Variants in CSMD1 observed in about 807,000 individuals in gnomAD.
The protein encoded by CSMD1 is CUB and sushi domain-containing protein 1.
CSMD1 carries 213 observed loss-of-function variants against 417.5 expected under a neutral mutation model. That is an observed-to-expected ratio of 0.51 (90% CI 0.46 to 0.57). CSMD1 has a LOEUF of 0.57. CSMD1 is among the 20% of genes least tolerant of loss of function. CSMD1 has a pLI of 0.00. For synonymous variants in CSMD1, 2,862 were observed against 1,736.8 expected (o/e 1.65, Z -16.11); for missense variants, 6,923 against 4,529.7 (o/e 1.53, Z -15.17).
chr8:4,633,051 T>G (rs748390128), intron 2 of CSMD1, among the ~76,000 whole-genome samples: 1 of 152,050 alleles, frequency 6.6e-6, no homozygotes, highest in Admixed American at 6.6e-5. Flanking sequence ...TTGCCGGAGA[T>G]AGAAGCCAGG....
chr8:4,069,688 A>T (rs1183789612), intron 3 of CSMD1, among the ~76,000 whole-genome samples: 1 of 151,978 alleles, frequency 6.6e-6, no homozygotes, highest in Non-Finnish European at 1.5e-5. Flanking sequence ...TTGCATTCTC[A>T]TGTTATACTT....
intron 5 of CSMD1, among the ~76,000 whole-genome samples, chr8:3,801,408 A>T (rs1304798423): frequency 6.6e-6 from 1 of 152,178 alleles, no homozygotes; most frequent in Non-Finnish European, 1.5e-5. Flanking sequence ...AACCACAGTG[A>T]GAAAAGCCAC....
chr8:4,904,523 G>C (rs1166195490), intron 1 of CSMD1, among the ~76,000 whole-genome samples: 1 of 151,886 alleles, frequency 6.6e-6, no homozygotes, highest in African/African-American at 2.4e-5. Context: ...CCCTTTCCAG[G>C]TCCTACACTG....
rs7006766 is a variant in CSMD1 at position 4,850,382 on chromosome 8, C to A, written c.85+143950G>T. Among the ~76,000 whole-genome samples the A allele has an allele frequency of 4.2e-3, 326 of 77,798 alleles. 1 individual carries two copies. The highest frequency in any genetic ancestry group is 0.02 in the Middle Eastern group (2 of 98). The allele number at this position is 77,798 out of a possible 152,430, so 51.0% of individuals were successfully genotyped here. Reference sequence around the variant, plus strand: ...TTTATTTTGATGAAATCCAATTTATCTTTTTTTTTTTTTTTTTTTTTTTGC... The same window carrying A: ...TTTATTTTGATGAAATCCAATTTATATTTTTTTTTTTTTTTTTTTTTTTGC... On this transcript the variant is annotated intron_variant, in intron 1 of 69. Coordinates refer to ENST00000635120, the MANE Select transcript of CSMD1 (RefSeq NM_033225.6).
intron 10 of CSMD1, among the ~76,000 whole-genome samples, chr8:3,505,603 A>G (rs1796791491): frequency 6.6e-6 from 1 of 152,208 alleles, no homozygotes; most frequent in African/African-American, 2.4e-5. Flanking sequence ...ACACAAACCC[A>G]GAAGAACAAG....
intron 1 of CSMD1, among the ~76,000 whole-genome samples, chr8:4,912,326 G>A (rs1585314131): frequency 6.6e-6 from 1 of 150,548 alleles, no homozygotes; most frequent in Non-Finnish European, 1.5e-5. Context: ...AAAGAAGAGG[G>A]AAGAATTTCT....
rs181370666 is a variant in CSMD1, at chr8:3,037,441, C to T, written c.7661-7928G>A. Among the ~76,000 whole-genome samples the T allele has an allele frequency of 3.3e-3, 495 of 152,070 alleles. 4 individuals are homozygous for T. Among genetic ancestry groups the T allele is most frequent in the African/African-American group, 9.3e-3 (384 of 41,458 alleles). On this transcript the variant is annotated intron_variant, in intron 50 of 69. Coordinates refer to ENST00000635120, the MANE Select transcript of CSMD1 (RefSeq NM_033225.6). ...GCCAGGGTGGTCTGGATCTTCTGAC[C>T]TCGTGATCCGCCCGCCTCGGCCTCC...
chr8:4,597,073 T>C (rs768761801), intron 2 of CSMD1, among the ~76,000 whole-genome samples: 17 of 151,704 alleles, frequency 1.1e-4, no homozygotes, highest in Non-Finnish European at 2.4e-4. Flanking sequence ...GGGTATGTCT[T>C]TTTCAGCAGC....
rs1014036310 is a variant in CSMD1, at chr8:4,723,200, C to A, written c.86-85642G>T. ...TCTCATGGGGAACCCGCCAGGAAGT[C>A]ATAGAGTATAACGTAGACGGCTCCT... On this transcript the variant is annotated intron_variant, in intron 1 of 69. Transcript: ENST00000635120. Among the ~76,000 whole-genome samples, 3 of 152,088 alleles carry A rather than the reference C, an allele frequency of 2.0e-5. No homozygotes were observed. The East Asian group carries it at 5.8e-4, about 29-fold the overall frequency.
chr8:3,422,260 C>G (rs1409108329), intron 12 of CSMD1, among the ~76,000 whole-genome samples: 1 of 152,110 alleles, frequency 6.6e-6, no homozygotes, highest in Non-Finnish European at 1.5e-5. Flanking sequence ...ACTCAGCATT[C>G]TTGATGGCAT....
At chr8:3,243,790 C>G (rs1799702537) in intron 26 of CSMD1, among the ~76,000 whole-genome samples, 1 of 150,090 alleles carries the variant, frequency 6.7e-6, no homozygotes, top group Non-Finnish European at 1.5e-5. Flanking sequence ...ATAATATTGT[C>G]ATTTATATAT....
chr8:3,413,804 T>C (rs1458462436), intron 12 of CSMD1, among the ~76,000 whole-genome samples: 2 of 152,108 alleles, frequency 1.3e-5, no homozygotes, highest in African/African-American at 4.8e-5. Context: ...TCAAACCCCC[T>C]TCTCTCTATG....
intron 55 of CSMD1, 132 bp from the exon 56 acceptor site, chr8:2,974,756 G>A (rs1033526515): frequency 3.7e-6 from 2 of 534,966 alleles, no homozygotes; most frequent in African/African-American, 3.9e-5. Flanking sequence ...TGGTACTTAT[G>A]TAATTTGTGA....
intron 2 of CSMD1, among the ~76,000 whole-genome samples, chr8:4,592,543 C>T (rs763479463): frequency 1.3e-5 from 2 of 151,908 alleles, no homozygotes; most frequent in African/African-American, 2.4e-5. Flanking sequence ...CCGGCCACCA[C>T]GCCCAGCTAA....
rs1411525247 is a variant in CSMD1 at position 3,353,400 on chromosome 8, C to G, written c.3305-5239G>C. On this transcript the variant is annotated intron_variant, in intron 21 of 69. Coordinates refer to ENST00000635120, the MANE Select transcript of CSMD1 (RefSeq NM_033225.6). ...ACCCCTACCTTTCTGACCAAGATAC[C>G]ACCAAATAGCTCGCATATCACAAAA... Among the ~76,000 whole-genome samples, 4 of 152,158 alleles carry G rather than the reference C, an allele frequency of 2.6e-5. No individual in the cohort carries two copies. The East Asian group carries it at 5.8e-4, about 22-fold the overall frequency.
intron 11 of CSMD1, among the ~76,000 whole-genome samples, chr8:3,481,396 C>G (rs1157824081): frequency 2.6e-5 from 4 of 152,028 alleles, no homozygotes; most frequent in African/African-American, 9.7e-5. Flanking sequence ...TCTGGTACTT[C>G]AGATAATAAT....
At chr8:3,594,539 C>G (rs1801004149) in intron 8 of CSMD1, among the ~76,000 whole-genome samples, 1 of 152,060 alleles carries the variant, frequency 6.6e-6, no homozygotes, top group Non-Finnish European at 1.5e-5. Flanking sequence ...GAATGTTTTT[C>G]AAAGGTTATT....
chr8:4,667,797 G>T (rs1805032543), intron 1 of CSMD1, among the ~76,000 whole-genome samples: 1 of 152,070 alleles, frequency 6.6e-6, no homozygotes, highest in African/African-American at 2.4e-5. Flanking sequence ...TACGTCCTTT[G>T]TGAATAAAGA....
intron 3 of CSMD1, among the ~76,000 whole-genome samples, chr8:4,295,335 TAAG>T (rs1318665722): frequency 7.2e-5 from 9 of 125,538 alleles, no homozygotes; most frequent in African/African-American, 2.3e-4. Context: ...CATATAATCT[TAAG>T]ATTATGCACA....
Sources: allele counts gnomAD v4.1 joint callset (sites outside exome capture counted in the v4.1 genomes callset), GRCh38; gene constraint gnomAD v4.1.1; transcripts MANE v1.5; gene names NCBI Gene and HGNC (gene_info 2026-07-23, HGNC 2026-07-21).